Variants in SUPT3H observed in about 807,000 individuals in gnomAD.
SUPT3H encodes transcription initiation protein SPT3 homolog.
Under a neutral mutation model 44.3 loss-of-function variants are expected in SUPT3H, and 44 were observed. The observed-to-expected ratio is 0.99, with a 90% confidence interval of 0.78 to 1.28. SUPT3H has a LOEUF of 1.28. SUPT3H is among the 50% of genes most tolerant of loss of function. SUPT3H has a pLI of 0.00. For synonymous variants in SUPT3H, 124 were observed against 125.6 expected (o/e 0.99, Z 0.09); for missense variants, 380 against 387.1 (o/e 0.98, Z 0.15).
chr6:44,978,755 G>T (rs1404268904), intron 6 of SUPT3H, among the ~76,000 whole-genome samples: 2 of 152,118 alleles, frequency 1.3e-5, no homozygotes, highest in African/African-American at 4.8e-5. Context: ...CACATGGGAG[G>T]ACTAGGGTGA....
At chr6:45,236,110 C>T (rs1017429706) in intron 2 of SUPT3H, among the ~76,000 whole-genome samples, 7 of 146,444 alleles carry the variant, frequency 4.8e-5, no homozygotes, top group East Asian at 2.0e-4. Context: ...AATTTCTGTT[C>T]GGGGCTCTCA....
chr6:45,235,404 T>C (rs1192434756), intron 2 of SUPT3H, among the ~76,000 whole-genome samples: 1 of 152,148 alleles, frequency 6.6e-6, no homozygotes, highest in African/African-American at 2.4e-5. Flanking sequence ...CAAGTGGCAT[T>C]AAATTTGTAG....
At chr6:45,066,257 A>G (rs1302409781) in intron 3 of SUPT3H, among the ~76,000 whole-genome samples, 4 of 152,216 alleles carry the variant, frequency 2.6e-5, no homozygotes, top group East Asian at 3.9e-4. Context: ...ACAAAATTCA[A>G]CAACTCCTTC....
At chr6:45,278,119 G>C (rs1262327139) in intron 2 of SUPT3H, among the ~76,000 whole-genome samples, 25 of 150,042 alleles carry the variant, frequency 1.7e-4, no homozygotes, top group Non-Finnish European at 3.0e-4. Flanking sequence ...AATGGGGCCT[G>C]TCGGCAGTGG....
intron 2 of SUPT3H, among the ~76,000 whole-genome samples, chr6:45,344,751 T>C (rs1046637213): frequency 6.6e-6 from 1 of 152,140 alleles, no homozygotes; most frequent in African/African-American, 2.4e-5. Context: ...AAGGTGAGTC[T>C]GCCTTTAAGA....
chr6:45,252,780 A>G (rs1772608293), intron 2 of SUPT3H, among the ~76,000 whole-genome samples: 1 of 152,218 alleles, frequency 6.6e-6, no homozygotes, highest in Non-Finnish European at 1.5e-5. Flanking sequence ...GTAGAGCAAC[A>G]AGACAAATGT....
At chr6:44,917,899 C>T (rs149495509) in intron 10 of SUPT3H, among the ~76,000 whole-genome samples, 1 of 152,026 alleles carries the variant, frequency 6.6e-6, no homozygotes, top group African/African-American at 2.4e-5. Context: ...TATTTGAGTA[C>T]TTAAAACCTA....
At chr6:45,230,671 TA>T (rs1767829281) in intron 2 of SUPT3H, among the ~76,000 whole-genome samples, 1 of 100,634 alleles carries the variant, frequency 9.9e-6, no homozygotes, top group East Asian at 2.3e-4. Flanking sequence ...TCTATATATA[TA>T]TATATATATA....
At chr6:45,028,519 T>C (rs1293274731) in intron 3 of SUPT3H, among the ~76,000 whole-genome samples, 1 of 152,078 alleles carries the variant, frequency 6.6e-6, no homozygotes, top group Non-Finnish European at 1.5e-5. Flanking sequence ...TGTAAGTTTA[T>C]ACACTTAAAA....
intron 6 of SUPT3H, among the ~76,000 whole-genome samples, chr6:44,963,889 C>T (rs995897561): frequency 6.6e-6 from 1 of 151,128 alleles, no homozygotes; most frequent in Non-Finnish European, 1.5e-5. Context: ...GTCCCAGCTA[C>T]TCGGAGGCTG....
chr6:45,142,732 G>A (rs528266923), intron 2 of SUPT3H, among the ~76,000 whole-genome samples: 45 of 19,268 alleles, frequency 2.3e-3, no homozygotes, highest in African/African-American at 7.5e-3. Context: ...GCTAAACTCC[G>A]TCTCAAAAAA....
intron 2 of SUPT3H, among the ~76,000 whole-genome samples, chr6:45,287,360 A>C (rs1452295506): frequency 6.6e-6 from 1 of 152,206 alleles, no homozygotes; most frequent in Non-Finnish European, 1.5e-5. Flanking sequence ...CAACAAATCC[A>C]ACTGTCCCTC....
chr6:45,124,207 A>T (rs1006687417), intron 2 of SUPT3H, among the ~76,000 whole-genome samples: 5 of 152,222 alleles, frequency 3.3e-5, no homozygotes, highest in Non-Finnish European at 1.5e-5. Context: ...GGATGATGAT[A>T]ACTCATTTAC....
intron 3 of SUPT3H, among the ~76,000 whole-genome samples, chr6:45,081,039 A>ATATATGTACATATATACG (rs1795731680): frequency 6.6e-6 from 1 of 150,962 alleles, no homozygotes; most frequent in Non-Finnish European, 1.5e-5. Context: ...TCCCATATAT[A>ATATATGTACATATATACG]TATGTACATA....
chr6:45,020,420 C>T, intron 4 of SUPT3H, 126 bp downstream of exon 4: 1 of 657,068 alleles, frequency 1.5e-6, no homozygotes, highest in South Asian at 2.7e-5. Context: ...ACCATGAAGA[C>T]TAAAACATCA....
chr6:45,182,305 G>A (rs550562988), intron 2 of SUPT3H, among the ~76,000 whole-genome samples: 1 of 152,280 alleles, frequency 6.6e-6, no homozygotes, highest in Non-Finnish European at 1.5e-5. Context: ...GTAACCCCCA[G>A]GCTGGAGTGT....
intron 2 of SUPT3H, among the ~76,000 whole-genome samples, chr6:45,273,523 T>A (rs1175294230): frequency 6.6e-6 from 1 of 152,188 alleles, no homozygotes; most frequent in East Asian, 1.9e-4. Flanking sequence ...CTGTCATACA[T>A]GTTATAACAA....
chr6:45,256,878 G>A (rs192833940), intron 2 of SUPT3H, among the ~76,000 whole-genome samples: 1 of 152,256 alleles, frequency 6.6e-6, no homozygotes, highest in Non-Finnish European at 1.5e-5. Flanking sequence ...TGGCTATTAT[G>A]AATAATGTTG....
chr6:44,943,656 A>G (rs1469171291), intron 9 of SUPT3H, among the ~76,000 whole-genome samples: 1 of 152,130 alleles, frequency 6.6e-6, no homozygotes, highest in Non-Finnish European at 1.5e-5. Context: ...AGAGAAAACA[A>G]CACATTAGAC....
Sources: allele counts gnomAD v4.1 joint callset (sites outside exome capture counted in the v4.1 genomes callset), GRCh38; gene constraint gnomAD v4.1.1; transcripts MANE v1.5; gene names NCBI Gene and HGNC (gene_info 2026-07-23, HGNC 2026-07-21).